The following KIF4A variants were observed in gnomAD, a reference collection of about 807,000 sequenced individuals.
KIF4A encodes kinesin family member 4A.
In KIF4A, 7 loss-of-function variants were observed where a neutral mutation model predicts 105.9. That is an observed-to-expected ratio of 0.07 (90% CI 0.04 to 0.12). KIF4A has a LOEUF of 0.12. Among genes scored for constraint, KIF4A ranks in the 10% least tolerant of loss-of-function variants. The pLI, the probability that KIF4A is intolerant of heterozygous loss-of-function variation, is 1.00. For missense variants in KIF4A, 558 were observed against 929.2 expected (o/e 0.60, Z 5.19); for synonymous variants, 281 against 331.3 (o/e 0.85, Z 1.65).
chrX:70,355,715 C>T (rs769871641), intron 15 of KIF4A, among the ~76,000 whole-genome samples: 12 of 110,792 alleles, frequency 1.1e-4, no homozygotes, highest in Non-Finnish European at 1.9e-4. Context: ...GGTGAGCGCC[C>T]GGTGCAGAGA....
chrX:70,314,193 C>T (rs1401478715), intron 7 of KIF4A, among the ~76,000 whole-genome samples: 1 of 112,233 alleles, frequency 8.9e-6, no homozygotes, highest in Non-Finnish European at 1.9e-5. Context: ...ATTAACTTTT[C>T]TTTGGCTACC....
At chrX:70,418,417 T>C (rs1346808663) in intron 29 of KIF4A, among the ~76,000 whole-genome samples, 1 of 111,841 alleles carries the variant, frequency 8.9e-6, no homozygotes, top group Non-Finnish European at 1.9e-5. Context: ...GTTAATCCTT[T>C]TGACATCTCG....
intron 5 of KIF4A, 68 bp from the exon 6 acceptor site, chrX:70,301,832 A>G: frequency 8.9e-7 from 1 of 1,125,983 alleles, no homozygotes; most frequent in South Asian, 2.0e-5. Flanking sequence ...TAAACCACCA[A>G]TCCCTATATT....
rs747350546 is a variant in KIF4A at position 70,290,863 on chromosome X, G to A, written c.235+58G>A. ...TATATTCCTTGAGCATATACTATGTGCCAAGCACTGTGCTTGGGCACTGCA... is the reference window on the plus strand; with the variant it reads ...TATATTCCTTGAGCATATACTATGTACCAAGCACTGTGCTTGGGCACTGCA... On this transcript the variant is annotated intron_variant, in intron 3 of 30. Coordinates refer to ENST00000374403, the MANE Select transcript of KIF4A (RefSeq NM_012310.5). 133 of 806,101 alleles carry A rather than the reference G, an allele frequency of 1.6e-4. 2 individuals carry two copies. The South Asian group carries it at 2.9e-3, about 17-fold the overall frequency. The allele number at this position is 806,101 out of a possible 1,213,427, so 66.4% of individuals were successfully genotyped here.
intron 5 of KIF4A, among the ~76,000 whole-genome samples, chrX:70,300,090 C>G (rs1177672521): frequency 2.7e-5 from 3 of 111,705 alleles, no homozygotes; most frequent in African/African-American, 9.8e-5. Context: ...TTCTCCTTCC[C>G]TTCTTCTCTT....
intron 5 of KIF4A, among the ~76,000 whole-genome samples, chrX:70,301,066 A>C (rs757493709): frequency 4.5e-5 from 5 of 111,837 alleles, no homozygotes; most frequent in African/African-American, 1.6e-4. Context: ...AGTTGGTGAT[A>C]GATATTATAT....
In KIF4A at chrX:70,353,762, G is replaced by A. The variant is rs2086040562; in HGVS notation, c.1629G>A (p.Met543Ile). 4 of 1,197,931 alleles carry A rather than the reference G, an allele frequency of 3.3e-6. No homozygotes were observed. Among genetic ancestry groups the A allele is most frequent in the Non-Finnish European group, 4.5e-6 (4 of 888,939 alleles). Residue 543 changes from methionine (M) to isoleucine (I), a missense_variant, in exon 15 of 31, where the codon ATG becomes ATA. Physicochemically the swap from Met to Ile is conservative, Grantham distance 10 (BLOSUM62 1). Around this residue, in one of 2 missense-constraint regions of KIF4A, gnomAD observed 469 missense variants for 680.4 expected, o/e 0.69. Transcript: ENST00000374403. ...LALKEALARK[M>I]TQNDSQLQPI... ...TGAAAGAGGCCCTGGCTAGGAAGATGACTCAGAATGACAGCCAACTGCAGC... is the reference window on the plus strand; with the variant it reads ...TGAAAGAGGCCCTGGCTAGGAAGATAACTCAGAATGACAGCCAACTGCAGC...
intron 13 of KIF4A, 64 bp from the exon 14 acceptor site, chrX:70,352,536 A>G: frequency 1.2e-6 from 1 of 863,337 alleles, no homozygotes; most frequent in Non-Finnish European, 1.7e-6. Flanking sequence ...AATAACCAAT[A>G]TAAAATCCAC....
intron 7 of KIF4A, among the ~76,000 whole-genome samples, chrX:70,316,202 C>T (rs1442258754): frequency 8.9e-6 from 1 of 111,944 alleles, no homozygotes; most frequent in Non-Finnish European, 1.9e-5. Context: ...TATTCATTTT[C>T]CTAAATTCTC....
chrX:70,395,525 AT>A, intron 20 of KIF4A, 145 bp from the exon 21 acceptor site: 1 of 639,016 alleles, frequency 1.6e-6, no homozygotes, highest in African/African-American at 2.2e-5. Context: ...AGGTACTGAC[AT>A]TTTTGGTAAG....
At chrX:70,309,999 C>T (rs766429809) in intron 7 of KIF4A, among the ~76,000 whole-genome samples, 155 of 112,298 alleles carry the variant, frequency 1.4e-3, no homozygotes, top group Non-Finnish European at 1.8e-3. Context: ...GCCAAGATCA[C>T]GCCACTGCAC....
At chrX:70,329,650 G>A (rs1350831637) in intron 8 of KIF4A, 129 bp downstream of exon 8, 21 of 490,841 alleles carry the variant, frequency 4.3e-5, no homozygotes, top group South Asian at 4.1e-5. Flanking sequence ...TGATAAATAC[G>A]AGAGAGTGCT....
At chrX:70,397,439 AAAG>A (rs999976740) in intron 22 of KIF4A, among the ~76,000 whole-genome samples, 12 of 111,802 alleles carry the variant, frequency 1.1e-4, no homozygotes, top group Non-Finnish European at 1.9e-4. Context: ...AAAAGAAAGA[AAAG>A]AAAAAGAAGG....
At chrX:70,338,409 A>T (rs745561688) in intron 10 of KIF4A, among the ~76,000 whole-genome samples, 19 of 111,975 alleles carry the variant, frequency 1.7e-4, no homozygotes, top group African/African-American at 5.5e-4. Flanking sequence ...ATCATAGAGG[A>T]TGTAGTCTTT....
intron 15 of KIF4A, among the ~76,000 whole-genome samples, chrX:70,366,061 T>C (rs2086101649): frequency 8.9e-6 from 1 of 111,877 alleles, no homozygotes; most frequent in Admixed American, 9.5e-5. Context: ...CTGATGGTAG[T>C]TTGTATTTCT....
At chrX:70,324,096 T>C (rs1403939578) in intron 7 of KIF4A, among the ~76,000 whole-genome samples, 5 of 111,583 alleles carry the variant, frequency 4.5e-5, no homozygotes, top group Non-Finnish European at 9.4e-5. Flanking sequence ...AGTCCTGGGA[T>C]TACAGGCATG....
chrX:70,400,241 C>G (rs1019718940), intron 22 of KIF4A, among the ~76,000 whole-genome samples: 12 of 101,007 alleles, frequency 1.2e-4, no homozygotes, highest in Non-Finnish European at 2.4e-4. Context: ...TCTCATTGTT[C>G]AATTCCCACC....
At chrX:70,370,962 A>G (rs974979978) in intron 15 of KIF4A, among the ~76,000 whole-genome samples, 29 of 108,210 alleles carry the variant, frequency 2.7e-4, no homozygotes, top group African/African-American at 9.7e-4. Context: ...AAGCAAGGTA[A>G]CTATAAAGAT....
rs2086171501 is a variant in KIF4A at position 70,375,532 on chromosome X, C to T, written c.1923+184C>T. ...TGTGCTAGTGGTCATCTAGGATCTG[C>T]TTAATAAAACGTTGCTTTGACATTC... On this transcript the variant is annotated intron_variant, in intron 17 of 30. Coordinates refer to ENST00000374403, the MANE Select transcript of KIF4A (RefSeq NM_012310.5). 4.5e-5 allele frequency among the ~76,000 whole-genome samples: 5 copies of T among 111,878 alleles called. No homozygotes were observed. In the South Asian group the frequency reaches 1.9e-3, roughly 42 times the overall value.
Sources: gnomAD v4.1 joint callset for allele counts (sites outside exome capture counted in the v4.1 genomes callset) on GRCh38, gnomAD v4.1.1 for gene constraint, gnomAD v4.1.1 regional missense constraint, MANE v1.5 for transcripts, NCBI Gene and HGNC (gene_info 2026-07-23, HGNC 2026-07-21) for gene names.